QRSL1: variants seen among roughly 807,000 people sequenced by gnomAD.
QRSL1 encodes glutaminyl-tRNA amidotransferase subunit QRSL1, also known as glutamyl-tRNA(Gln) amidotransferase subunit A, mitochondrial.
Under a neutral mutation model 61.6 loss-of-function variants are expected in QRSL1, and 54 were observed. The ratio of observed to expected loss-of-function variants is 0.88; its 90% CI spans 0.70 to 1.10. The LOEUF (loss-of-function observed/expected upper bound fraction) is 1.10. QRSL1 is among the 50% of genes least tolerant of loss of function. QRSL1 has a pLI of 0.00. For missense variants in QRSL1, 505 were observed against 622.6 expected (o/e 0.81, Z 2.01); for synonymous variants, 228 against 225.7 (o/e 1.01, Z -0.09).
At chr6:106,640,050 A>G in intron 1 of QRSL1, 2 of 222,076 alleles carry the variant, frequency 9.0e-6, no homozygotes, top group East Asian at 1.1e-4. Flanking sequence ...CTGGGCCTCA[A>G]CTCCCCCTGG....
At chr6:106,661,424 T>C (rs1777353673) in intron 9 of QRSL1, among the ~76,000 whole-genome samples, 1 of 152,104 alleles carries the variant, frequency 6.6e-6, no homozygotes, top group South Asian at 2.1e-4. Flanking sequence ...GTATTTGTTC[T>C]TTATAAAATT....
rs1777464291 is a variant in QRSL1 at position 106,667,714 on chromosome 6, T to C, written c.*1712T>C. The C allele has an allele frequency of 6.6e-6, 1 of 152,132 alleles. No homozygotes were observed. Among genetic ancestry groups the C allele is most frequent in the Non-Finnish European group, 1.5e-5 (1 of 68,026 alleles). The allele number at this position is 152,132 out of a possible 1,614,324, so 9.4% of individuals were successfully genotyped here. A position where few individuals can be genotyped will look rare whatever the true frequency, so the allele number is the denominator to read the frequency against. ...ACCTGATTAACTTCACATAAAAGTC[T>C]TATGTGCCAGGCTTAGTAATATTCC... On this transcript the variant is annotated 3_prime_UTR_variant, in exon 11 of 11. Transcript: ENST00000369046.
chr6:106,656,119 G>A (rs1777266902), intron 9 of QRSL1, among the ~76,000 whole-genome samples: 1 of 152,078 alleles, frequency 6.6e-6, no homozygotes, highest in Non-Finnish European at 1.5e-5. Context: ...AGTAATCTAG[G>A]GATAATTTTA....
intron 5 of QRSL1, among the ~76,000 whole-genome samples, chr6:106,651,712 G>A (rs780265882): frequency 1.6e-4 from 25 of 152,060 alleles, no homozygotes; most frequent in Non-Finnish European, 3.1e-4. Context: ...TCTAGGAGGG[G>A]CGTATTTAGT....
At chr6:106,638,822 C>T (rs1255578099) in intron 1 of QRSL1, among the ~76,000 whole-genome samples, 1 of 152,128 alleles carries the variant, frequency 6.6e-6, no homozygotes, top group East Asian at 1.9e-4. Context: ...CCCAAGAATG[C>T]CATTGCGTTG....
rs370937378 is a variant in QRSL1, at chr6:106,644,909, G to A, written c.380+1819G>A. Among the ~76,000 whole-genome samples, 26 of 152,204 alleles carry A rather than the reference G, an allele frequency of 1.7e-4. No individual in the cohort carries two copies. In the East Asian group the frequency reaches 3.7e-3, roughly 21 times the overall value. On this transcript the variant is annotated intron_variant, in intron 4 of 10. Transcript: ENST00000369046. ...TACATTTAGATCTGTTATTCACTTC[G>A]AATTAGATTTTCGTATATAGTATGA...
At chr6:106,640,651 G>A in intron 2 of QRSL1, 143 bp downstream of exon 2, 3 of 963,282 alleles carry the variant, frequency 3.1e-6, no homozygotes, top group Non-Finnish European at 1.5e-6. Context: ...TAAAAATGAG[G>A]GTAATGGCTA....
chr6:106,667,617 T>C lies in QRSL1; in HGVS notation c.*1615T>C, dbSNP rs1054152956. ...ATCATCTGCAGAACCACTGGAATGT[T>C]TCATCGTCACCTGTTAGTTTTCATA... On this transcript the variant is annotated 3_prime_UTR_variant, in exon 11 of 11. Coordinates refer to ENST00000369046, the MANE Select transcript of QRSL1 (RefSeq NM_018292.5). The C allele has an allele frequency of 6.6e-6, 1 of 152,196 alleles. No homozygotes were observed. Among genetic ancestry groups the C allele is most frequent in the African/African-American group, 2.4e-5 (1 of 41,446 alleles). The allele number at this position is 152,196 out of a possible 1,614,324, so 9.4% of individuals were successfully genotyped here.
chr6:106,639,237 T>A (rs1019423567), intron 1 of QRSL1, among the ~76,000 whole-genome samples: 1 of 149,024 alleles, frequency 6.7e-6, no homozygotes, highest in Non-Finnish European at 1.5e-5. Flanking sequence ...GTGATTCTCC[T>A]GCCTCAGCCT....
chr6:106,643,186 G>C (rs1777049641), intron 4 of QRSL1, 96 bp downstream of exon 4: 4 of 787,812 alleles, frequency 5.1e-6, no homozygotes, highest in Non-Finnish European at 8.3e-6. Flanking sequence ...TCTAATGCCA[G>C]TTTCTTAGTC....
At position 106,655,746 on chromosome 6, in the gene QRSL1, T is replaced by G. The variant is rs146640596; in HGVS notation, c.1160+14T>G. ...CTTATTAAAAGAGTAAGACAACTCA[T>G]TTAGGAATTTTCTTCATTCTTGAAA... is the stretch of plus-strand genomic sequence containing the variant. On this transcript the variant is annotated intron_variant, in intron 9 of 10. Coordinates refer to ENST00000369046, the MANE Select transcript of QRSL1 (RefSeq NM_018292.5). The G allele has an allele frequency of 2.7e-3, 4,038 of 1,506,496 alleles. 26 individuals are homozygous for G. Among genetic ancestry groups the G allele is most frequent in the South Asian group, 9.3e-3 (823 of 88,546 alleles). The allele number at this position is 1,506,496 out of a possible 1,614,324, so 93.3% of individuals were successfully genotyped here.
chr6:106,645,563 C>T (rs1017632025), intron 4 of QRSL1, among the ~76,000 whole-genome samples: 1 of 152,118 alleles, frequency 6.6e-6, no homozygotes, highest in African/African-American at 2.4e-5. Context: ...GCTGGGACTA[C>T]AGGCACATGC....
intron 10 of QRSL1, 42 bp downstream of exon 10, chr6:106,663,227 T>C (rs1303909734): frequency 6.3e-7 from 1 of 1,583,122 alleles, no homozygotes; most frequent in South Asian, 1.1e-5. Context: ...TTCAAATTCT[T>C]AGGCAGGTAC....
At chr6:106,632,977 G>T (rs1452298481) in intron 1 of QRSL1, among the ~76,000 whole-genome samples, 1 of 152,102 alleles carries the variant, frequency 6.6e-6, no homozygotes, top group Non-Finnish European at 1.5e-5. Context: ...ACTCTATTTT[G>T]ATTTTGACAA....
chr6:106,662,090 T>C (rs17067603), intron 9 of QRSL1, among the ~76,000 whole-genome samples: 8,531 of 152,220 alleles, frequency 0.056, 746 homozygotes, highest in African/African-American at 0.18. Context: ...GTATCATTGA[T>C]TTATGGTTAC....
chr6:106,664,933 A>T (rs1318394574), intron 10 of QRSL1, among the ~76,000 whole-genome samples: 1 of 152,168 alleles, frequency 6.6e-6, no homozygotes, highest in Non-Finnish European at 1.5e-5. Flanking sequence ...TTAGCTAGAG[A>T]ATTACAAAAT....
chr6:106,640,529 C>G, intron 2 of QRSL1, 21 bp downstream of exon 2: 1 of 1,512,712 alleles, frequency 6.6e-7, no homozygotes, highest in South Asian at 1.3e-5. Context: ...TTTAACTATA[C>G]TTAATTGTTA....
chr6:106,652,119 A>G, intron 5 of QRSL1, 90 bp from the exon 6 acceptor site: 1 of 1,279,738 alleles, frequency 7.8e-7, no homozygotes, highest in Non-Finnish European at 1.1e-6. Flanking sequence ...AGAGGAAAAT[A>G]CAGTTTAAAA....
intron 4 of QRSL1, among the ~76,000 whole-genome samples, chr6:106,645,294 G>C (rs756651609): frequency 2.6e-5 from 4 of 152,168 alleles, no homozygotes; most frequent in Non-Finnish European, 4.4e-5. Context: ...TGAATTTATA[G>C]ATCAACTTGG....
Sources: allele counts gnomAD v4.1 joint callset (sites outside exome capture counted in the v4.1 genomes callset), GRCh38; gene constraint gnomAD v4.1.1; transcripts MANE v1.5; gene names NCBI Gene and HGNC (gene_info 2026-07-23, HGNC 2026-07-21).